Variants in NFE2L3 observed in about 807,000 individuals in gnomAD.
The protein encoded by NFE2L3 is nuclear factor erythroid 2-related factor 3.
A neutral mutation model predicts 23.5 loss-of-function variants in NFE2L3; 18 were observed. The ratio of observed to expected loss-of-function variants is 0.77; its 90% CI spans 0.53 to 1.13. The LOEUF is 1.13. NFE2L3 is among the 50% of genes most tolerant of loss of function. NFE2L3 has a pLI of 0.00. For missense variants in NFE2L3, 1,152 were observed against 877.2 expected (o/e 1.31, Z -3.96); for synonymous variants, 424 against 354.5 (o/e 1.20, Z -2.20).
chr7:26,184,276 A>T, intron 3 of NFE2L3: 1 of 437,384 alleles, frequency 2.3e-6, no homozygotes, highest in East Asian at 4.0e-5. Context: ...GTAACATTAG[A>T]CTTTTTAAGA....
At chr7:26,171,569 C>T (rs1237870879) in intron 1 of NFE2L3, among the ~76,000 whole-genome samples, 1 of 151,810 alleles carries the variant, frequency 6.6e-6, no homozygotes, top group Non-Finnish European at 1.5e-5. Context: ...AAAAAGAAGC[C>T]AGTTAAATAA....
chr7:26,166,710 G>A (rs1784257012), intron 1 of NFE2L3, among the ~76,000 whole-genome samples: 21 of 152,162 alleles, frequency 1.4e-4, no homozygotes, highest in Admixed American at 1.4e-3. Flanking sequence ...AAACCACCCA[G>A]GCCAAACAGG....
In NFE2L3 at chr7:26,186,684, A is replaced by T. The variant is rs892788070; in HGVS notation, c.*901A>T. ...ATGGCCTCACCATCTTAGAATACTGAGATCTCACCAGAACACTGTAAGCCA... is the reference window on the plus strand; with the variant it reads ...ATGGCCTCACCATCTTAGAATACTGTGATCTCACCAGAACACTGTAAGCCA... On this transcript the variant is annotated 3_prime_UTR_variant, in exon 4 of 4. Transcript: ENST00000056233. 6.6e-6 allele frequency: 1 copy of T among 152,222 alleles called. No homozygotes were observed. Among genetic ancestry groups the T allele is most frequent in the Non-Finnish European group, 1.5e-5 (1 of 68,044 alleles). The allele number at this position is 152,222 out of a possible 1,614,324, so 9.4% of individuals were successfully genotyped here.
intron 2 of NFE2L3, among the ~76,000 whole-genome samples, chr7:26,180,318 C>G: frequency 6.6e-6 from 1 of 152,158 alleles, no homozygotes; most frequent in East Asian, 1.9e-4. Flanking sequence ...GAGCTTTAAC[C>G]CTTTTGTAAC....
chr7:26,175,686 G>A (rs1466224829), intron 1 of NFE2L3, among the ~76,000 whole-genome samples: 6 of 151,676 alleles, frequency 4.0e-5, no homozygotes, highest in African/African-American at 1.2e-4. Flanking sequence ...GGCTGAGGCA[G>A]GAGAATGGCG....
At chr7:26,166,055 T>C (rs1310422761) in intron 1 of NFE2L3, among the ~76,000 whole-genome samples, 1 of 152,036 alleles carries the variant, frequency 6.6e-6, no homozygotes, top group African/African-American at 2.4e-5. Flanking sequence ...GACAGGTGCT[T>C]TACTGGATTT....
Position 26,183,550 on chromosome 7 carries a change from A to G in NFE2L3, c.751-151A>G, listed in dbSNP as rs1378648639. 3.0e-5 allele frequency: 18 copies of G among 603,142 alleles called. 1 individual carries two copies. Among genetic ancestry groups the G allele is most frequent in the South Asian group, 6.2e-5 (3 of 48,750 alleles). The allele number at this position is 603,142 out of a possible 1,614,324, so 37.4% of individuals were successfully genotyped here. ...GCCAGAGTGAGATCCGTCTCAAAATATAATAAAAAGTAGAACTTCCAACCA... is the reference window on the plus strand; with the variant it reads ...GCCAGAGTGAGATCCGTCTCAAAATGTAATAAAAAGTAGAACTTCCAACCA... On this transcript the variant is annotated intron_variant, in intron 2 of 3. Transcript: ENST00000056233.
chr7:26,180,057 G>C (rs1429246663), intron 2 of NFE2L3, among the ~76,000 whole-genome samples: 1 of 152,062 alleles, frequency 6.6e-6, no homozygotes, highest in African/African-American at 2.4e-5. Context: ...ACCATTTGCT[G>C]GCCGCCTAGC....
In NFE2L3 at chr7:26,156,209, A is replaced by C. The variant is rs535106786; in HGVS notation, c.570+3141A>C. On this transcript the variant is annotated intron_variant, in intron 1 of 3. Transcript: ENST00000056233. ...GGGCTTACCTCAGAGGGTTGATGTG[A>C]GAATTAAAAAGTTCATTCCATGTAA... 1.0e-3 allele frequency among the ~76,000 whole-genome samples: 153 copies of C among 152,336 alleles called. 1 individual carries two copies. The highest frequency in any genetic ancestry group is 3.5e-3 in the African/African-American group (146 of 41,568).
At chr7:26,169,935 CA>C (rs200025039) in intron 1 of NFE2L3, among the ~76,000 whole-genome samples, 9,948 of 145,188 alleles carry the variant, frequency 0.069, 685 homozygotes, top group East Asian at 0.36. Flanking sequence ...CCGTCTCTAC[CA>C]AAAAAAAAAA....
chr7:26,182,038 A>G (rs1784523432), intron 2 of NFE2L3, among the ~76,000 whole-genome samples: 2 of 151,968 alleles, frequency 1.3e-5, no homozygotes, highest in Non-Finnish European at 2.9e-5. Context: ...AAGATAAGCA[A>G]TATTTAAAAT....
At chr7:26,175,635 C>CG (rs1200573298) in intron 1 of NFE2L3, among the ~76,000 whole-genome samples, 1 of 150,364 alleles carries the variant, frequency 6.7e-6, no homozygotes, top group East Asian at 2.0e-4. Context: ...AAAAATTAGC[C>CG]GGGTGTGGTG....
chr7:26,166,460 G>A (rs1784253842), intron 1 of NFE2L3, among the ~76,000 whole-genome samples: 1 of 152,216 alleles, frequency 6.6e-6, no homozygotes, highest in Non-Finnish European at 1.5e-5. Flanking sequence ...AACCAGTACT[G>A]TGGCCAAGAG....
Position 26,178,114 on chromosome 7 carries a change from A to G in NFE2L3, c.742A>G (p.Arg248Gly). ...DWEAEKTTES[R>G]NERHLNGTDT... ...GGAGGCAGAAAAGACCACTGAATCT[A>G]GAAATGAGGTAAGCCTGTCAGAATA... Residue 248 changes from arginine (R) to glycine (G), a missense_variant, in exon 2 of 4, where the codon AGA (arginine) becomes GGA (glycine). Coordinates refer to ENST00000056233, the MANE Select transcript of NFE2L3 (RefSeq NM_004289.7). 1 of 1,612,656 alleles carries G rather than the reference A, an allele frequency of 6.2e-7. No homozygotes were observed. The highest frequency in any genetic ancestry group is 8.5e-7 in the Non-Finnish European group (1 of 1,179,506).
In NFE2L3 at chr7:26,185,781, TGAG is replaced by T; in HGVS notation, c.2084_*1del. 1.3e-6 allele frequency: 2 copies of T among 1,577,170 alleles called. No homozygotes were observed. The highest frequency in any genetic ancestry group is 1.2e-5 in the South Asian group (1 of 84,572). ...GGAAACCCAAAAGGGAAAGAGAAAG[TGAG>T]AAGAAACTGAAGATGGACTCTATTA... On this transcript the variant is annotated stop_retained_variant and 3_prime_UTR_variant, in exon 4 of 4. Coordinates refer to ENST00000056233, the MANE Select transcript of NFE2L3 (RefSeq NM_004289.7).
At chr7:26,168,102 C>A (rs937945772) in intron 1 of NFE2L3, among the ~76,000 whole-genome samples, 2 of 149,170 alleles carry the variant, frequency 1.3e-5, no homozygotes, top group Non-Finnish European at 3.0e-5. Context: ...CTGCCTCCCC[C>A]CAAGTCCTTG....
chr7:26,178,070 T>C lies in NFE2L3; in HGVS notation c.698T>C (p.Ile233Thr). Residue 233 changes from isoleucine (I) to threonine (T), a missense_variant, in exon 2 of 4, where the codon ATA becomes ACA. Coordinates refer to ENST00000056233, the MANE Select transcript of NFE2L3 (RefSeq NM_004289.7). Reference protein sequence around the residue: ...LQQNDDDENKIAEKPDWEAEK... With the variant: ...LQQNDDDENKTAEKPDWEAEK... ...CAGAATGATGATGATGAAAACAAAA[T>C]AGCAGAGAAACCTGACTGGGAGGCA... 1 of 1,613,966 alleles carries C rather than the reference T, an allele frequency of 6.2e-7. No homozygotes were observed. The highest frequency in any genetic ancestry group is 8.5e-7 in the Non-Finnish European group (1 of 1,179,974).
rs532087181 is a variant in NFE2L3, at chr7:26,162,202, A to G, written c.570+9134A>G. On this transcript the variant is annotated intron_variant, in intron 1 of 3. Transcript: ENST00000056233. ...GAACAGGCAAAGCTGAGCTAAAAAT[A>G]TTAGCGAGGAGAACTTTCTGAAAAG... Among the ~76,000 whole-genome samples the G allele has an allele frequency of 5.5e-4, 84 of 152,162 alleles. 1 individual carries two copies. The South Asian group carries it at 0.017, about 31-fold the overall frequency.
intron 3 of NFE2L3, 183 bp from the exon 4 acceptor site, chr7:26,184,350 C>T (rs1263325332): frequency 5.5e-6 from 3 of 550,324 alleles, no homozygotes; most frequent in African/African-American, 3.8e-5. Flanking sequence ...TCCAGGTATT[C>T]TGATTTGGAC....
Sources: allele counts gnomAD v4.1 joint callset (sites outside exome capture counted in the v4.1 genomes callset), GRCh38; gene constraint gnomAD v4.1.1; transcripts MANE v1.5; gene names NCBI Gene and HGNC (gene_info 2026-07-23, HGNC 2026-07-21).